The following RPS6KC1 variants were observed in gnomAD, a reference collection of about 807,000 sequenced individuals.
RPS6KC1 encodes inactive ribosomal protein S6 kinase delta-1.
Under a neutral mutation model 103.8 loss-of-function variants are expected in RPS6KC1, and 54 were observed. The ratio of observed to expected loss-of-function variants is 0.52; its 90% confidence interval spans 0.42 to 0.65. The LOEUF is 0.65. RPS6KC1 is among the 30% of genes least tolerant of loss of function. The pLI is 0.00. For missense variants in RPS6KC1, 1,151 were observed against 1,253.8 expected, an observed-to-expected ratio of 0.92 and a Z score of 1.24; for synonymous variants, 439 against 438.7, an observed-to-expected ratio of 1.00 and a Z score of -0.01.
the RPS6KC1 span, among the ~76,000 whole-genome samples, chr1:213,627,811 T>C: frequency 7.2e-5 from 11 of 152,244 alleles, no homozygotes; most frequent in Admixed American, 6.5e-4. Context: ...GATGTGCTGC[T>C]GGATTCAGTT....
chr1:213,504,960 A>G, the RPS6KC1 span, among the ~76,000 whole-genome samples: 3 of 152,060 alleles, frequency 2.0e-5, no homozygotes, highest in African/African-American at 4.8e-5. Flanking sequence ...TCCTAATCCT[A>G]TGAATCAGAG....
At chr1:213,775,627 A>G in the RPS6KC1 span, among the ~76,000 whole-genome samples, 1 of 152,226 alleles carries the variant, frequency 6.6e-6, no homozygotes, top group African/African-American at 2.4e-5. Context: ...TTTTTGCTGG[A>G]GTGTCTTGCT....
chr1:213,390,371 T>C, the RPS6KC1 span, among the ~76,000 whole-genome samples: 1 of 152,246 alleles, frequency 6.6e-6, no homozygotes, highest in African/African-American at 2.4e-5. Flanking sequence ...AATCCTTCCG[T>C]TGTAATACAA....
At chr1:213,354,703 C>T in the RPS6KC1 span, among the ~76,000 whole-genome samples, 6 of 152,172 alleles carry the variant, frequency 3.9e-5, no homozygotes, top group Non-Finnish European at 7.3e-5. Flanking sequence ...AGGTCTCTCT[C>T]CCTTTCCTTA....
the RPS6KC1 span, among the ~76,000 whole-genome samples, chr1:213,694,685 G>A: frequency 6.6e-6 from 1 of 152,120 alleles, no homozygotes; most frequent in Non-Finnish European, 1.5e-5. Flanking sequence ...TTTTGGATTA[G>A]GGCAACACAT....
At chr1:213,725,191 A>G in the RPS6KC1 span, among the ~76,000 whole-genome samples, 27 of 152,322 alleles carry the variant, frequency 1.8e-4, no homozygotes, top group African/African-American at 6.5e-4. Context: ...AACAATTGTA[A>G]CTCATTACTT....
the RPS6KC1 span, among the ~76,000 whole-genome samples, chr1:213,627,986 TC>T: frequency 2.0e-5 from 3 of 152,374 alleles, no homozygotes; most frequent in African/African-American, 7.2e-5. Context: ...TGGAATAGTT[TC>T]AGAAGGAATG....
chr1:213,268,340 G>A (rs1307296023), intron 14 of RPS6KC1, among the ~76,000 whole-genome samples: 1 of 149,936 alleles, frequency 6.7e-6, no homozygotes, highest in African/African-American at 2.4e-5. Context: ...CTTCAAAAAT[G>A]AAGGTGCATA....
At chr1:213,783,522 T>G in the RPS6KC1 span, among the ~76,000 whole-genome samples, 2 of 152,146 alleles carry the variant, frequency 1.3e-5, no homozygotes, top group Non-Finnish European at 2.9e-5. Context: ...CTTCCTTGCT[T>G]TAATATTATG....
the RPS6KC1 span, among the ~76,000 whole-genome samples, chr1:213,738,767 G>T: frequency 2.0e-5 from 3 of 151,648 alleles, no homozygotes; most frequent in East Asian, 5.8e-4. Context: ...GGCTGAGGTG[G>T]GTGGATCACT....
chr1:213,782,890 G>T, the RPS6KC1 span, among the ~76,000 whole-genome samples: 1 of 152,210 alleles, frequency 6.6e-6, no homozygotes, highest in Non-Finnish European at 1.5e-5. Flanking sequence ...ACGCAGACAG[G>T]CTGGAGTGAA....
the RPS6KC1 span, among the ~76,000 whole-genome samples, chr1:213,725,378 C>A: frequency 6.6e-6 from 1 of 152,202 alleles, no homozygotes; most frequent in East Asian, 1.9e-4. Context: ...TTGCAGTGAG[C>A]CTTAACACAC....
At position 213,241,180 on chromosome 1, in the gene RPS6KC1, C is replaced by G. The variant is rs754360220; in HGVS notation, c.1704C>G (p.His568Gln). 1 of 1,613,824 alleles carries G rather than the reference C, an allele frequency of 6.2e-7. No homozygotes were observed. The highest frequency in any genetic ancestry group is 8.5e-7 in the Non-Finnish European group (1 of 1,179,896). The change falls in exon 11 of 15, where the codon CAC becomes CAG. Residue 568 changes from histidine (H) to glutamine (Q), a missense_variant. Transcript: ENST00000366960. The stretch of plus-strand genomic sequence containing the variant: ...GCCCCAGCACACAGCTGAGAGCTCA[C>G]GAGCTGAAGTTCTTCCCCAACGATG... ...SDSPSTQLRAHELKFFPNDDP... is the reference protein window; with the variant it reads ...SDSPSTQLRAQELKFFPNDDP...
chr1:213,366,879 T>A, the RPS6KC1 span, among the ~76,000 whole-genome samples: 1 of 152,248 alleles, frequency 6.6e-6, no homozygotes, highest in Non-Finnish European at 1.5e-5. Flanking sequence ...TTTCTGTATC[T>A]TCCCTGCATT....
the RPS6KC1 span, chr1:213,837,442 C>T: frequency 6.6e-6 from 1 of 152,122 alleles, no homozygotes; most frequent in Non-Finnish European, 1.5e-5. Flanking sequence ...CAAAGGGAAA[C>T]ATGATTAATA....
At chr1:213,434,340 A>T in the RPS6KC1 span, among the ~76,000 whole-genome samples, 2 of 151,600 alleles carry the variant, frequency 1.3e-5, no homozygotes, top group Admixed American at 1.3e-4. Flanking sequence ...AGAATTCTAG[A>T]TTACACCTTT....
chr1:213,508,023 T>G, the RPS6KC1 span, among the ~76,000 whole-genome samples: 2 of 152,342 alleles, frequency 1.3e-5, no homozygotes, highest in East Asian at 3.9e-4. Flanking sequence ...CACCATCCCT[T>G]TCAGGTGTAC....
chr1:213,205,834 C>A (rs1328508948), intron 8 of RPS6KC1, among the ~76,000 whole-genome samples: 1 of 151,560 alleles, frequency 6.6e-6, no homozygotes, highest in Non-Finnish European at 1.5e-5. Context: ...ATGCTTGGGA[C>A]CAGAAGTGTT....
the RPS6KC1 span, among the ~76,000 whole-genome samples, chr1:213,524,785 C>T: frequency 1.3e-5 from 2 of 152,112 alleles, no homozygotes; most frequent in Non-Finnish European, 2.9e-5. Context: ...GTGGCTATTC[C>T]TATGAAGCAT....
Sources: allele counts gnomAD v4.1 joint callset (sites outside exome capture counted in the v4.1 genomes callset), GRCh38; gene constraint gnomAD v4.1.1; transcripts MANE v1.5; gene names NCBI Gene and HGNC (gene_info 2026-07-23, HGNC 2026-07-21).